HSPA12A: variants seen among roughly 807,000 people sequenced by gnomAD.
The protein encoded by HSPA12A is heat shock 70 kDa protein 12A.
HSPA12A carries 28 observed loss-of-function variants against 69.2 expected under a neutral mutation model. The observed-to-expected ratio is 0.40, with a 90% CI of 0.30 to 0.55. The LOEUF (loss-of-function observed/expected upper bound fraction) is 0.55, where lower values mean the gene tolerates loss of function less well. Ranked by LOEUF, HSPA12A falls within the 20% of genes least tolerant of loss-of-function variation. The pLI, the probability that HSPA12A is intolerant of heterozygous loss-of-function variation, is 0.38. For synonymous variants in HSPA12A, 345 were observed against 370.5 expected (o/e 0.93, Z 0.79); for missense variants, 686 against 900.7 (o/e 0.76, Z 3.05).
At chr10:116,718,159 T>C (rs1389338439) in intron 1 of HSPA12A, among the ~76,000 whole-genome samples, 1 of 152,230 alleles carries the variant, frequency 6.6e-6, no homozygotes, top group Admixed American at 6.5e-5. Context: ...AATTTCATCA[T>C]GAACAGCCTT....
At chr10:116,685,603 C>T (rs1395468641) in intron 6 of HSPA12A, among the ~76,000 whole-genome samples, 2 of 151,014 alleles carry the variant, frequency 1.3e-5, no homozygotes, top group African/African-American at 4.9e-5. Flanking sequence ...CCATTGTACC[C>T]CAGCCTGGGT....
rs1412610172 is a variant in HSPA12A at position 116,798,919 on chromosome 10, G to A, written c.91+36016C>T. 9.2e-5 allele frequency among the ~76,000 whole-genome samples: 14 copies of A among 151,902 alleles called. 1 individual carries two copies. Among genetic ancestry groups the A allele is most frequent in the Admixed American group, 9.2e-4 (14 of 15,250 alleles). ...GTCATTTTCTTCTGCTTGAGTTCTT[G>A]ACAAGGCACCGCACAGCCAGACCCA... On this transcript the variant is annotated intron_variant, in intron 2 of 12. Transcript: ENST00000635765.
chr10:116,805,929 G>A (rs1589717540), intron 2 of HSPA12A, among the ~76,000 whole-genome samples: 1 of 152,220 alleles, frequency 6.6e-6, no homozygotes, highest in African/African-American at 2.4e-5. Flanking sequence ...CAGGATGCCT[G>A]AGCGTAAATG....
At chr10:116,742,229 C>T (rs1314829879) in intron 1 of HSPA12A, among the ~76,000 whole-genome samples, 2 of 151,850 alleles carry the variant, frequency 1.3e-5, no homozygotes, top group African/African-American at 4.8e-5. Flanking sequence ...AACATGTGAC[C>T]CGCGGGCCGT....
At chr10:116,807,848 C>A (rs1215432061) in intron 2 of HSPA12A, among the ~76,000 whole-genome samples, 1 of 152,166 alleles carries the variant, frequency 6.6e-6, no homozygotes, top group African/African-American at 2.4e-5. Context: ...TCATTCACAG[C>A]CTGGCTGACA....
chr10:116,842,886 C>A (rs1484168032), intron 1 of HSPA12A, among the ~76,000 whole-genome samples: 3 of 152,226 alleles, frequency 2.0e-5, no homozygotes, highest in African/African-American at 7.2e-5. Context: ...AGCCACCACA[C>A]CCAGCCAGCC....
At chr10:116,801,849 G>A (rs1211912268) in intron 2 of HSPA12A, among the ~76,000 whole-genome samples, 2 of 152,162 alleles carry the variant, frequency 1.3e-5, no homozygotes, top group Non-Finnish European at 1.5e-5. Flanking sequence ...CTGTGGTTAG[G>A]TGGGAAGCCA....
intron 2 of HSPA12A, among the ~76,000 whole-genome samples, chr10:116,834,671 C>T (rs1351172803): frequency 6.6e-6 from 1 of 152,106 alleles, no homozygotes; most frequent in African/African-American, 2.4e-5. Flanking sequence ...GTGTGGCCAG[C>T]GATGATTCTA....
At chr10:116,719,295 T>G (rs2133020230) in intron 1 of HSPA12A, among the ~76,000 whole-genome samples, 1 of 152,248 alleles carries the variant, frequency 6.6e-6, no homozygotes, top group Middle Eastern at 3.4e-3. Context: ...GGCCTGGGGC[T>G]TCTGGGAGGA....
intron 2 of HSPA12A, among the ~76,000 whole-genome samples, chr10:116,765,583 A>G (rs1352564966): frequency 6.6e-6 from 1 of 152,196 alleles, no homozygotes; most frequent in Non-Finnish European, 1.5e-5. Flanking sequence ...GGCAGAAAGG[A>G]AGATTTTTAG....
Position 116,774,688 on chromosome 10 carries a change from A to G in HSPA12A, c.91+60247T>C, listed in dbSNP as rs1307943412. ...ATTGGAGAGTGGGACATTGAGAGGG[A>G]GGCCTTCTGTGCACCCCTTCATTCA... On this transcript the variant is annotated intron_variant, in intron 2 of 12. Coordinates refer to the HSPA12A transcript ENST00000635765. 5.4e-4 allele frequency among the ~76,000 whole-genome samples: 82 copies of G among 152,120 alleles called. 2 individuals carry two copies. Among genetic ancestry groups the G allele is most frequent in the Admixed American group, 5.4e-3 (82 of 15,274 alleles).
chr10:116,713,011 T>TATATATATATATATA (rs1554883335), intron 1 of HSPA12A, among the ~76,000 whole-genome samples: 154 of 130,912 alleles, frequency 1.2e-3, no homozygotes, highest in African/African-American at 2.0e-3. Context: ...TATATATATA[T>TATATATATATATATA]TTGCATTTCT....
chr10:116,727,752 G>GTTTTTTTTTTTTTTTTTTTGTTTT, intron 1 of HSPA12A, among the ~76,000 whole-genome samples: 1 of 131,382 alleles, frequency 7.6e-6, no homozygotes, highest in Non-Finnish European at 1.6e-5. Context: ...ATGTAAGTGG[G>GTTTTTTTTTTTTTTTTTTTGTTTT]TTTTTTTTTT....
At chr10:116,836,762 G>A (rs1183281429) in intron 1 of HSPA12A, among the ~76,000 whole-genome samples, 3 of 133,284 alleles carry the variant, frequency 2.3e-5, no homozygotes, top group Admixed American at 7.4e-5. Flanking sequence ...TGTGGTAAAC[G>A]AACCGAACAC....
rs73387505 is a variant in HSPA12A at position 116,828,177 on chromosome 10, A to G, written c.91+6758T>C. Among the ~76,000 whole-genome samples, 1,185 of 152,360 alleles carry G rather than the reference A, an allele frequency of 7.8e-3. 10 individuals carry two copies. The highest frequency in any genetic ancestry group is 0.027 in the African/African-American group (1,128 of 41,584). On this transcript the variant is annotated intron_variant, in intron 2 of 12. Coordinates refer to the HSPA12A transcript ENST00000635765. ...AGCTGAAATAAGAACTTATGGATAC[A>G]TACTTTAAAAAGTTCATTTCCAAAT...
rs1215738420 is a variant in HSPA12A at position 116,723,195 on chromosome 10, C to T, written c.41-15910G>A. 6.6e-6 allele frequency among the ~76,000 whole-genome samples: 1 copy of T among 151,736 alleles called. No individual in the cohort carries two copies. The highest frequency in any genetic ancestry group is 2.4e-5 in the African/African-American group (1 of 41,308). ...TTTAACCAATCAGATACCTCCATTA[C>T]CCCCTAACCATTGCCCCCCCATCAT... On this transcript the variant is annotated intron_variant, in intron 1 of 11. Transcript: ENST00000369209. This position sits in a 1 kb window ranked among gnomAD's most constrained non-coding sequence, Gnocchi z 4.1.
chr10:116,693,679 G>A (rs946025667), intron 5 of HSPA12A, among the ~76,000 whole-genome samples: 1 of 152,100 alleles, frequency 6.6e-6, no homozygotes, highest in Non-Finnish European at 1.5e-5. Flanking sequence ...TTTTCCTATT[G>A]TTTCAAACAG....
chr10:116,827,842 G>A (rs1413255897), intron 2 of HSPA12A, among the ~76,000 whole-genome samples: 3 of 152,140 alleles, frequency 2.0e-5, no homozygotes, highest in Admixed American at 6.5e-5. Context: ...TTCCCAAGAC[G>A]CCTCTAAATT....
chr10:116,805,069 C>A lies in HSPA12A; in HGVS notation c.91+29866G>T, dbSNP rs113482740. The stretch of plus-strand genomic sequence containing the variant: ...CGGTGGCTCACGCCTGTAACCCCAG[C>A]ACTTTGGGAGGCCGAGGCTGGTGGA... On this transcript the variant is annotated intron_variant, in intron 2 of 12. Transcript: ENST00000635765. 4.8e-3 allele frequency among the ~76,000 whole-genome samples: 734 copies of A among 152,296 alleles called. 4 individuals are homozygous for A. The highest frequency in any genetic ancestry group is 0.016 in the African/African-American group (682 of 41,556).
Sources: gnomAD v4.1 joint callset for allele counts (sites outside exome capture counted in the v4.1 genomes callset) on GRCh38, gnomAD v4.1.1 for gene constraint, Gnocchi (gnomAD v3.1) non-coding constraint, MANE v1.5 for transcripts, NCBI Gene and HGNC (gene_info 2026-07-23, HGNC 2026-07-21) for gene names.